The following ZNF677 variants were observed in gnomAD, a reference collection of about 807,000 sequenced individuals.
The protein encoded by ZNF677 is zinc finger protein 677, also known as hypothetical protein MGC48625.
A neutral mutation model predicts 8.1 loss-of-function variants in ZNF677; 5 were observed. The ratio of observed to expected loss-of-function variants is 0.62; its 90% CI spans 0.32 to 1.29. The LOEUF (loss-of-function observed/expected upper bound fraction) is 1.29, where lower values mean the gene tolerates loss of function less well. Ranked by LOEUF, ZNF677 falls within the 50% of genes most tolerant of loss-of-function variation. The pLI, the probability that ZNF677 is intolerant of heterozygous loss-of-function variation, is 0.05. For synonymous variants in ZNF677, 221 were observed against 225.6 expected, an observed-to-expected ratio of 0.98 and a Z score of 0.18; for missense variants, 685 against 685.9, an observed-to-expected ratio of 1.00 and a Z score of 0.01.
rs1007303123 is a variant in ZNF677 at position 53,235,500 on chromosome 19, A to G, written c.*1472T>C. On this transcript the variant is annotated 3_prime_UTR_variant, in exon 5 of 5. Coordinates refer to ENST00000598513, the MANE Select transcript of ZNF677 (RefSeq NM_182609.4). The stretch of plus-strand genomic sequence containing the variant: ...CCAAATGTGAATCCCCTATAAGAAC[A>G]CTACTCTGGTTCTTTTGATGGAACT... 2.0e-5 allele frequency: 3 copies of G among 152,188 alleles called. No individual in the cohort carries two copies. Among genetic ancestry groups the G allele is most frequent in the Admixed American group, 1.3e-4 (2 of 15,284 alleles). 9.4% of individuals were successfully genotyped at this position (152,188 alleles called of 1,614,324 possible). A position where few individuals can be genotyped will look rare whatever the true frequency, so the allele number is the denominator to read the frequency against.
intron 3 of ZNF677, among the ~76,000 whole-genome samples, chr19:53,250,774 C>A (rs2091222107): frequency 6.6e-6 from 1 of 152,100 alleles, no homozygotes. Flanking sequence ...TCCCATGACA[C>A]AAGTTTAGCT....
rs1011732608 is a variant in ZNF677 at position 53,251,145 on chromosome 19, C to T, written c.15+391G>A. ...CAACAGTCTTCTTTTTCAAAGTTTT[C>T]CAGGTATTTGTGCACATTAATATAT... On this transcript the variant is annotated intron_variant, in intron 3 of 4. Coordinates refer to ENST00000598513, the MANE Select transcript of ZNF677 (RefSeq NM_182609.4). 5.3e-5 allele frequency among the ~76,000 whole-genome samples: 8 copies of T among 152,232 alleles called. No individual in the cohort carries two copies. The South Asian group carries it at 1.7e-3, about 32-fold the overall frequency.
chr19:53,243,625 A>T, intron 4 of ZNF677, 119 bp downstream of exon 4: 1 of 1,345,906 alleles, frequency 7.4e-7, no homozygotes, highest in Non-Finnish European at 1.0e-6. Flanking sequence ...AAGCCTTTCC[A>T]CTCTCAATCA....
intron 3 of ZNF677, among the ~76,000 whole-genome samples, chr19:53,250,242 T>G (rs1355758251): frequency 6.6e-6 from 1 of 152,162 alleles, no homozygotes; most frequent in East Asian, 1.9e-4. Context: ...AAGGAACACT[T>G]ACACACCATT....
intron 3 of ZNF677, among the ~76,000 whole-genome samples, chr19:53,248,932 A>G (rs1033479682): frequency 4.6e-5 from 7 of 152,150 alleles, no homozygotes; most frequent in Admixed American, 3.3e-4. Context: ...TTAAGCATAC[A>G]TACATATGCT....
At chr19:53,241,588 G>T in intron 4 of ZNF677, 1 of 364,006 alleles carries the variant, frequency 2.7e-6, no homozygotes, top group Non-Finnish European at 4.9e-6. Flanking sequence ...GGCTCCAAGA[G>T]GATGATCAGC....
Position 53,238,307 on chromosome 19 carries a change from T to G in ZNF677, c.420A>C (p.Ser140=). The change falls in exon 5 of 5, where the codon TCA becomes TCC. Residue 140 remains serine (S), a synonymous_variant. Coordinates refer to ENST00000598513, the MANE Select transcript of ZNF677 (RefSeq NM_182609.4). ...HRKDQQHNKS[S]IHFSLKQSVS... ...CACTCTGCTTTAAAGAGAAATGTAT[T>G]GAGGATTTATTATGTTGTTGATCTT... 1 of 1,613,746 alleles carries G rather than the reference T, an allele frequency of 6.2e-7. No homozygotes were observed. Among genetic ancestry groups the G allele is most frequent in the Non-Finnish European group, 8.5e-7 (1 of 1,179,832 alleles).
At chr19:53,244,792 C>A (rs11881920) in intron 3 of ZNF677, among the ~76,000 whole-genome samples, 2,138 of 152,232 alleles carry the variant, frequency 0.014, 61 homozygotes, top group African/African-American at 0.049. Context: ...AAAAGAGCCA[C>A]AGCAATTTTG....
chr19:53,241,780 C>T (rs1453653121), intron 4 of ZNF677: 1 of 398,344 alleles, frequency 2.5e-6, no homozygotes, highest in Non-Finnish European at 4.4e-6. Flanking sequence ...GATACTGTGA[C>T]AGATTAATTA....
At chr19:53,249,536 G>A (rs2091200781) in intron 3 of ZNF677, 1 of 152,156 alleles carries the variant, frequency 6.6e-6, no homozygotes, top group Non-Finnish European at 1.5e-5. Context: ...TTGCAAAACA[G>A]AATATCACAA....
rs775350996 is a variant in ZNF677 at position 53,237,296 on chromosome 19, A to G, written c.1431T>C (p.His477=). 21 of 1,613,572 alleles carry G rather than the reference A, an allele frequency of 1.3e-5. No homozygotes were observed. In the South Asian group the frequency reaches 2.3e-4, roughly 18 times the overall value. The change falls in exon 5 of 5, where the codon CAT becomes CAC. Residue 477 remains histidine (H), a synonymous_variant. Transcript: ENST00000598513. The stretch of plus-strand genomic sequence containing the variant: ...GTTTCTCTCCAGTATGAGTTCTCTG[A>G]TGACCCCAAAGGTGTGAACGTTTGA... The part of the protein sequence containing the change: ...AFIKRSHLWG[H]QRTHTGEKPY...
chr19:53,237,588 C>G lies in ZNF677; in HGVS notation c.1139G>C (p.Cys380Ser). Reference sequence around the variant, plus strand: ...TGAACGTTCAGCAAAGGCTTTGTCACATTCATTACATTTGTAAGGTTTCTC... The same window carrying G: ...TGAACGTTCAGCAAAGGCTTTGTCAGATTCATTACATTTGTAAGGTTTCTC... ...TGEKPYKCNE[C>S]DKAFAERSSL... Residue 380 changes from cysteine (C) to serine (S), a missense_variant, in exon 5 of 5, where the codon TGT becomes TCT. By Grantham distance (112) the Cys-to-Ser change is moderately radical. Coordinates refer to ENST00000598513, the MANE Select transcript of ZNF677 (RefSeq NM_182609.4). The G allele has an allele frequency of 6.2e-7, 1 of 1,613,870 alleles. No homozygotes were observed. The highest frequency in any genetic ancestry group is 8.5e-7 in the Non-Finnish European group (1 of 1,179,896).
At position 53,237,025 on chromosome 19, in the gene ZNF677, C is replaced by G; in HGVS notation, c.1702G>C (p.Glu568Gln). 5 of 1,595,862 alleles carry G rather than the reference C, an allele frequency of 3.1e-6. No individual in the cohort carries two copies. Among genetic ancestry groups the G allele is most frequent in the Non-Finnish European group, 4.3e-6 (5 of 1,173,800 alleles). Residue 568 changes from glutamate to glutamine, a missense_variant, in exon 5 of 5, where the codon GAA (glutamate) becomes CAA (glutamine). Transcript: ENST00000598513. Reference sequence around the variant, plus strand: ...GTCTCATTATATTTGATATGTTTTTCTCTATTATAACTTTTTTGATGATCT... The same window carrying G: ...GTCTCATTATATTTGATATGTTTTTGTCTATTATAACTTTTTTGATGATCT... Reference protein sequence around the residue: ...LGDHQKSYNREKHIKYNETKI... With the variant: ...LGDHQKSYNRQKHIKYNETKI...
rs1260031389 is a variant in ZNF677, at chr19:53,238,308, G to A, written c.419C>T (p.Ser140Leu). The A allele has an allele frequency of 6.2e-7, 1 of 1,613,688 alleles. No individual in the cohort carries two copies. Among genetic ancestry groups the A allele is most frequent in the South Asian group, 1.1e-5 (1 of 90,980 alleles). The change falls in exon 5 of 5, where the codon TCA (serine) becomes TTA (leucine). Residue 140 changes from serine to leucine, a missense_variant. Ser to Leu is a moderately radical substitution (Grantham distance 145). Coordinates refer to ENST00000598513, the MANE Select transcript of ZNF677 (RefSeq NM_182609.4). Reference sequence around the variant, plus strand: ...ACTCTGCTTTAAAGAGAAATGTATTGAGGATTTATTATGTTGTTGATCTTT... The same window carrying A: ...ACTCTGCTTTAAAGAGAAATGTATTAAGGATTTATTATGTTGTTGATCTTT... ...HRKDQQHNKS[S>L]IHFSLKQSVS...
intron 2 of ZNF677, among the ~76,000 whole-genome samples, chr19:53,252,827 G>A (rs2091255782): frequency 6.6e-6 from 1 of 152,128 alleles, no homozygotes; most frequent in African/African-American, 2.4e-5. Flanking sequence ...GAATACAGCT[G>A]AGCCTTGAGC....
intron 4 of ZNF677, chr19:53,242,380 G>GT: frequency 2.5e-6 from 1 of 398,598 alleles, no homozygotes; most frequent in Non-Finnish European, 4.4e-6. Context: ...AAAAGGGTCG[G>GT]ATTTTGTAGG....
intron 3 of ZNF677, among the ~76,000 whole-genome samples, chr19:53,246,662 A>G (rs888656454): frequency 6.6e-6 from 1 of 152,218 alleles, no homozygotes. Flanking sequence ...GACTCCACTT[A>G]TATGAGGAAC....
chr19:53,247,455 T>C (rs2091164069), intron 3 of ZNF677, among the ~76,000 whole-genome samples: 1 of 152,220 alleles, frequency 6.6e-6, no homozygotes, highest in South Asian at 2.1e-4. Flanking sequence ...TGTGTCACAT[T>C]CAAAGCCATC....
Position 53,236,788 on chromosome 19 carries a change from A to G in ZNF677, c.*184T>C. On this transcript the variant is annotated 3_prime_UTR_variant, in exon 5 of 5. Coordinates refer to ENST00000598513, the MANE Select transcript of ZNF677 (RefSeq NM_182609.4). ...TTCATTATATTTGTAAGGCTTCTCTACAGTAAGAATTCTATGATGTTCCAC... is the reference window on the plus strand; with the variant it reads ...TTCATTATATTTGTAAGGCTTCTCTGCAGTAAGAATTCTATGATGTTCCAC... 2.0e-6 allele frequency: 1 copy of G among 500,468 alleles called. No homozygotes were observed. The highest frequency in any genetic ancestry group is 3.4e-6 in the Non-Finnish European group (1 of 291,654). The allele number at this position is 500,468 out of a possible 1,614,324, so 31.0% of individuals were successfully genotyped here.
Sources: allele counts gnomAD v4.1 joint callset (sites outside exome capture counted in the v4.1 genomes callset), GRCh38; gene constraint gnomAD v4.1.1; transcripts MANE v1.5; gene names NCBI Gene and HGNC (gene_info 2026-07-23, HGNC 2026-07-21).